TLN2: variants seen among roughly 807,000 people sequenced by gnomAD.
The protein encoded by TLN2 is talin-2.
In TLN2, 118 loss-of-function variants were observed where a neutral mutation model predicts 294.7. That is an observed-to-expected ratio of 0.40 (90% CI 0.34 to 0.47). The LOEUF (loss-of-function observed/expected upper bound fraction) is 0.47. Among genes scored for constraint, TLN2 ranks in the 20% least tolerant of loss-of-function variants. The pLI, the probability that TLN2 is intolerant of heterozygous loss-of-function variation, is 0.84. For missense variants in TLN2, 3,083 were observed against 3,282.2 expected (o/e 0.94, Z 1.48); for synonymous variants, 1,431 against 1,304.5 (o/e 1.10, Z -2.09).
At chr15:62,736,726 T>C in intron 28 of TLN2, 152 bp from the exon 29 acceptor site, 1 of 841,614 alleles carries the variant, frequency 1.2e-6, no homozygotes, top group East Asian at 2.7e-5. Context: ...TGAAGCCAGC[T>C]ACTTCTTTGA....
chr15:62,563,417 T>A (rs1005391591), intron 1 of TLN2, among the ~76,000 whole-genome samples: 2 of 152,198 alleles, frequency 1.3e-5, no homozygotes, highest in Non-Finnish European at 1.5e-5. Context: ...CTATTCATGT[T>A]CTTAGCCCAC....
chr15:62,789,549 A>G (rs2141108328), intron 45 of TLN2, among the ~76,000 whole-genome samples: 1 of 152,268 alleles, frequency 6.6e-6, no homozygotes, highest in East Asian at 1.9e-4. Context: ...AGGGAACACA[A>G]AAGTGTTGTT....
chr15:62,699,728 G>A (rs939960135), intron 16 of TLN2, among the ~76,000 whole-genome samples: 1 of 152,222 alleles, frequency 6.6e-6, no homozygotes, highest in Non-Finnish European at 1.5e-5. Flanking sequence ...GACCATTAAA[G>A]TTTGAGAAGC....
At chr15:62,831,503 C>T (rs905856039) in intron 54 of TLN2, 2 of 151,698 alleles carry the variant, frequency 1.3e-5, no homozygotes, top group African/African-American at 4.8e-5. Flanking sequence ...TAAATTAGAG[C>T]CTACTATAAT....
At chr15:62,575,115 C>T (rs913680877) in intron 1 of TLN2, among the ~76,000 whole-genome samples, 1 of 152,066 alleles carries the variant, frequency 6.6e-6, no homozygotes, top group African/African-American at 2.4e-5. Flanking sequence ...GAGTTCAAGA[C>T]CAGTCTGGGC....
At chr15:62,561,713 C>T (rs959326204) in intron 1 of TLN2, among the ~76,000 whole-genome samples, 5 of 149,576 alleles carry the variant, frequency 3.3e-5, no homozygotes, top group Non-Finnish European at 5.9e-5. Context: ...TGTGCCTGAT[C>T]GCCTGCTGCT....
chr15:62,653,582 C>G (rs773415308), intron 7 of TLN2, among the ~76,000 whole-genome samples: 1 of 151,934 alleles, frequency 6.6e-6, no homozygotes, highest in Non-Finnish European at 1.5e-5. Context: ...AAAAAATTAG[C>G]TGGGCTTGCT....
intron 48 of TLN2, among the ~76,000 whole-genome samples, chr15:62,797,738 T>A (rs2065606858): frequency 6.6e-6 from 1 of 151,932 alleles, no homozygotes; most frequent in South Asian, 2.1e-4. Context: ...GCACAGGAGC[T>A]CCCTGAAGGG....
At chr15:62,481,781 T>G (rs948336659) in intron 1 of TLN2, among the ~76,000 whole-genome samples, 7 of 145,476 alleles carry the variant, frequency 4.8e-5, no homozygotes, top group African/African-American at 1.7e-4. Context: ...ACATATTATT[T>G]TTCTTTTTCT....
intron 9 of TLN2, among the ~76,000 whole-genome samples, chr15:62,666,538 A>C (rs1377220647): frequency 1.3e-5 from 2 of 152,216 alleles, no homozygotes; most frequent in South Asian, 4.1e-4. Flanking sequence ...GTTCTTTATA[A>C]TTGAATTATA....
intron 44 of TLN2, among the ~76,000 whole-genome samples, chr15:62,783,142 G>T (rs374154954): frequency 6.6e-6 from 1 of 152,172 alleles, no homozygotes. Context: ...TAAATTTGTG[G>T]CTAAAACCTT....
intron 1 of TLN2, among the ~76,000 whole-genome samples, chr15:62,573,852 G>A (rs1244497942): frequency 1.3e-5 from 2 of 151,532 alleles, no homozygotes; most frequent in Non-Finnish European, 2.9e-5. Flanking sequence ...CCTTTCTATG[G>A]ATGGGGACAC....
At chr15:62,434,712 G>A (rs143856223) in intron 1 of TLN2, among the ~76,000 whole-genome samples, 2,439 of 152,312 alleles carry the variant, frequency 0.016, 30 homozygotes, top group Non-Finnish European at 0.025. Flanking sequence ...AGTCCGCTAG[G>A]TAAAAATGGA....
intron 16 of TLN2, among the ~76,000 whole-genome samples, chr15:62,700,322 T>A (rs2058637328): frequency 6.6e-6 from 1 of 152,206 alleles, no homozygotes; most frequent in Admixed American, 6.5e-5. Flanking sequence ...ATGAGCACCT[T>A]ACTGCAGGGT....
Position 62,622,992 on chromosome 15 carries a change from C to A in TLN2, c.-37+4517C>A, listed in dbSNP as rs553976384. On this transcript the variant is annotated intron_variant, in intron 3 of 58. Transcript: ENST00000636159. ...CTGCACAGCTGGCCCTGAGTGCCAG[C>A]CTGTCTTTCTTACTCCAGCTGACAG... Among the ~76,000 whole-genome samples, 3 of 152,306 alleles carry A rather than the reference C, an allele frequency of 2.0e-5. No homozygotes were observed. The East Asian group carries it at 5.8e-4, about 29-fold the overall frequency.
chr15:62,722,727 T>TTCC (rs909610047), intron 26 of TLN2, among the ~76,000 whole-genome samples: 1 of 152,180 alleles, frequency 6.6e-6, no homozygotes, highest in African/African-American at 2.4e-5. Flanking sequence ...AGTTGTGTAC[T>TTCC]TCCTCCTCCT....
intron 11 of TLN2, among the ~76,000 whole-genome samples, chr15:62,682,664 G>T (rs1317822693): frequency 6.6e-6 from 1 of 152,018 alleles, no homozygotes; most frequent in Non-Finnish European, 1.5e-5. Context: ...CCATAAATGG[G>T]AGCTGTAAAT....
intron 12 of TLN2, chr15:62,687,946 G>A (rs538175560): frequency 6.6e-6 from 1 of 152,200 alleles, no homozygotes; most frequent in East Asian, 1.9e-4. Context: ...GAAAAATCAA[G>A]AAATCAATAT....
chr15:62,535,009 T>C (rs1001433242), intron 1 of TLN2, among the ~76,000 whole-genome samples: 3 of 152,176 alleles, frequency 2.0e-5, no homozygotes, highest in Non-Finnish European at 4.4e-5. Flanking sequence ...CTAAGCTCTG[T>C]GAGGGCACAG....
Sources: allele counts gnomAD v4.1 joint callset (sites outside exome capture counted in the v4.1 genomes callset), GRCh38; gene constraint gnomAD v4.1.1; transcripts MANE v1.5; gene names NCBI Gene and HGNC (gene_info 2026-07-23, HGNC 2026-07-21).